CTTNBP2: variants seen among roughly 807,000 people sequenced by gnomAD.
The protein encoded by CTTNBP2 is cortactin-binding protein 2.
A neutral mutation model predicts 156.9 loss-of-function variants in CTTNBP2; 108 were observed. The observed-to-expected ratio is 0.69, with a 90% CI of 0.59 to 0.81. The LOEUF is 0.81. Among genes scored for constraint, CTTNBP2 ranks in the 30% least tolerant of loss-of-function variants. The pLI is 0.00. For synonymous variants in CTTNBP2, 767 were observed against 751.8 expected, an observed-to-expected ratio of 1.02 and a Z score of -0.33; for missense variants, 1,924 against 2,035.4, an observed-to-expected ratio of 0.95 and a Z score of 1.05.
chr7:117,813,083 G>A (rs1374390504), intron 2 of CTTNBP2, among the ~76,000 whole-genome samples: 1 of 152,154 alleles, frequency 6.6e-6, no homozygotes. Flanking sequence ...TACAGGAGAG[G>A]TGAAGGGAGC....
chr7:117,827,288 G>A (rs1034738694), intron 2 of CTTNBP2, among the ~76,000 whole-genome samples: 8 of 152,196 alleles, frequency 5.3e-5, no homozygotes, highest in African/African-American at 1.7e-4. Flanking sequence ...CTGGGAGTGG[G>A]GGCTGGTGCA....
chr7:117,744,078 T>G (rs1057226644), intron 14 of CTTNBP2, among the ~76,000 whole-genome samples: 2 of 152,158 alleles, frequency 1.3e-5, no homozygotes, highest in Non-Finnish European at 2.9e-5. Context: ...TATGAGGTGT[T>G]TTGATACAGG....
At chr7:117,839,647 A>C (rs1298573629) in intron 2 of CTTNBP2, among the ~76,000 whole-genome samples, 9 of 152,212 alleles carry the variant, frequency 5.9e-5, no homozygotes, top group Non-Finnish European at 1.2e-4. Context: ...GGAAGAAGCA[A>C]GGTCAAATCT....
intron 2 of CTTNBP2, among the ~76,000 whole-genome samples, chr7:117,817,003 C>T (rs1472881053): frequency 6.6e-6 from 1 of 151,888 alleles, no homozygotes; most frequent in African/African-American, 2.4e-5. Flanking sequence ...TAAAAACAGA[C>T]TCTTAAAGGA....
intron 2 of CTTNBP2, among the ~76,000 whole-genome samples, chr7:117,818,718 G>C (rs1218942584): frequency 2.6e-5 from 4 of 152,196 alleles, no homozygotes; most frequent in Non-Finnish European, 5.9e-5. Flanking sequence ...TGAAGAGGAA[G>C]AGCAGAAAGA....
Position 117,816,851 on chromosome 7 carries a change from G to T in CTTNBP2, c.190-5862C>A, listed in dbSNP as rs376928842. 5.3e-5 allele frequency among the ~76,000 whole-genome samples: 8 copies of T among 152,184 alleles called. No individual in the cohort carries two copies. In the South Asian group the frequency reaches 1.7e-3, roughly 32 times the overall value. On this transcript the variant is annotated intron_variant, in intron 2 of 22. Transcript: ENST00000160373. ...AAAAATGACTTGAAATGTTTATTAC[G>T]CTGGGTTTGAGGAGGCCTGACCCTA...
rs747316797 is a variant in CTTNBP2, at chr7:117,792,579, G to A, written c.617C>T (p.Thr206Met). The A allele has an allele frequency of 6.8e-6, 11 of 1,613,914 alleles. No homozygotes were observed. The highest frequency in any genetic ancestry group is 1.6e-4 in the Middle Eastern group (1 of 6,084). Residue 206 changes from threonine (T) to methionine (M), a missense_variant, in exon 4 of 23, where the codon ACG becomes ATG. Physicochemically the swap from Thr to Met is moderately conservative, Grantham distance 81 (BLOSUM62 -1). Transcript: ENST00000160373. The surrounding 1 kb of genome is among the most constrained non-coding windows in gnomAD (Gnocchi z 4.2). ...GGAGAGTTCCTCTTCTAATTCATTC[G>A]TCTTTTTCTTTTCCTCTTCCAGTTT... ...MAKLEEEKKK[T>M]NELEEELSAE... is the part of the protein sequence containing the mutation.
At chr7:117,758,546 A>AT (rs1284122452) in intron 10 of CTTNBP2, among the ~76,000 whole-genome samples, 1 of 152,038 alleles carries the variant, frequency 6.6e-6, no homozygotes, top group East Asian at 1.9e-4. Context: ...GGTAATAAGT[A>AT]TTTTTTTTCA....
intron 14 of CTTNBP2, among the ~76,000 whole-genome samples, chr7:117,738,583 G>A (rs750743182): frequency 6.6e-6 from 1 of 152,204 alleles, no homozygotes; most frequent in African/African-American, 2.4e-5. Flanking sequence ...GGGGCAGAGA[G>A]GAAATACTGG....
intron 2 of CTTNBP2, among the ~76,000 whole-genome samples, chr7:117,850,392 T>C (rs1335100173): frequency 6.6e-6 from 1 of 152,218 alleles, no homozygotes; most frequent in Non-Finnish European, 1.5e-5. Flanking sequence ...CTATATTCAT[T>C]GGTACAAAAC....
intron 3 of CTTNBP2, among the ~76,000 whole-genome samples, chr7:117,803,359 T>C (rs1307388266): frequency 1.3e-5 from 2 of 151,832 alleles, no homozygotes; most frequent in African/African-American, 2.4e-5. Flanking sequence ...CATAAAAAGA[T>C]AGGAACAATA....
rs150561365 is a variant in CTTNBP2, at chr7:117,848,645, G to A, written c.189+12564C>T. Among the ~76,000 whole-genome samples, 12 of 152,214 alleles carry A rather than the reference G, an allele frequency of 7.9e-5. No homozygotes were observed. In the East Asian group the frequency reaches 1.4e-3, roughly 17 times the overall value. ...TCAAGCTGCTCCTATTTTATTTTCCGTTTTAATTGATTCAGGAAACTTAGG... is the reference window on the plus strand; with the variant it reads ...TCAAGCTGCTCCTATTTTATTTTCCATTTTAATTGATTCAGGAAACTTAGG... On this transcript the variant is annotated intron_variant, in intron 2 of 22. Coordinates refer to ENST00000160373, the MANE Select transcript of CTTNBP2 (RefSeq NM_033427.3).
chr7:117,823,229 A>G (rs1393207474), intron 2 of CTTNBP2, among the ~76,000 whole-genome samples: 2 of 152,204 alleles, frequency 1.3e-5, no homozygotes, highest in Non-Finnish European at 2.9e-5. Flanking sequence ...AAAATTTGCT[A>G]TGCAACCAGC....
intron 1 of CTTNBP2, among the ~76,000 whole-genome samples, chr7:117,867,142 AT>A (rs963911701): frequency 5.9e-5 from 9 of 152,186 alleles, no homozygotes; most frequent in Non-Finnish European, 1.3e-4. Flanking sequence ...ATCTCAAAGT[AT>A]TTTCAAATCT....
Position 117,784,532 on chromosome 7 carries a change from C to T in CTTNBP2, c.2069-78G>A, listed in dbSNP as rs1798607245. 6 of 995,002 alleles carry T rather than the reference C, an allele frequency of 6.0e-6. No homozygotes were observed. The East Asian group carries it at 7.5e-5, about 12-fold the overall frequency. 61.6% of individuals were successfully genotyped at this position (995,002 alleles called of 1,614,324 possible). A position where few individuals can be genotyped will look rare whatever the true frequency, so the allele number is the denominator to read the frequency against. On this transcript the variant is annotated intron_variant, in intron 4 of 22. Transcript: ENST00000160373. Reference sequence around the variant, plus strand: ...ATATTACCCATTCCTTTCTGAATTACACACACACAAACATATGAACATGTG... The same window carrying T: ...ATATTACCCATTCCTTTCTGAATTATACACACACAAACATATGAACATGTG...
chr7:117,773,245 A>G (rs562757096), intron 8 of CTTNBP2, among the ~76,000 whole-genome samples: 1 of 152,344 alleles, frequency 6.6e-6, no homozygotes, highest in Non-Finnish European at 1.5e-5. Flanking sequence ...ATTCCTAGGA[A>G]GATGGAATCC....
chr7:117,816,794 C>T lies in CTTNBP2; in HGVS notation c.190-5805G>A, dbSNP rs1800603213. ...AATAAAGGCAGATCAACAACATAGA[C>T]ATGTTTTAATAGGTAAGGAGACCAT... is the stretch of plus-strand genomic sequence containing the variant. On this transcript the variant is annotated intron_variant, in intron 2 of 22. Coordinates refer to ENST00000160373, the MANE Select transcript of CTTNBP2 (RefSeq NM_033427.3). 2.0e-5 allele frequency among the ~76,000 whole-genome samples: 3 copies of T among 152,070 alleles called. No individual in the cohort carries two copies. The South Asian group carries it at 6.2e-4, about 32-fold the overall frequency.
intron 2 of CTTNBP2, among the ~76,000 whole-genome samples, chr7:117,820,328 G>T (rs192686379): frequency 1.8e-4 from 28 of 152,304 alleles, no homozygotes; most frequent in Middle Eastern, 3.4e-3. Context: ...CACTATTTCT[G>T]CCCTGGGCAC....
rs1795209628 is a variant in CTTNBP2, at chr7:117,728,234, C to G, written c.3910G>C (p.Val1304Leu). 1 of 1,613,908 alleles carries G rather than the reference C, an allele frequency of 6.2e-7. No individual in the cohort carries two copies. The highest frequency in any genetic ancestry group is 8.5e-7 in the Non-Finnish European group (1 of 1,179,862). ...KGQAPSPCDP[V>L]CKIVDWALSV... ...AGAGCCCAGTCGACAATCTTGCACA[C>G]AGGATCGCAGGGGGAGGGCGCCTGA... is the stretch of plus-strand genomic sequence containing the variant. Residue 1304 changes from valine to leucine, a missense_variant, in exon 17 of 23, where the codon GTG (valine) becomes CTG (leucine). Physicochemically the swap from Val to Leu is conservative, Grantham distance 32. Coordinates refer to ENST00000160373, the MANE Select transcript of CTTNBP2 (RefSeq NM_033427.3).
Sources: allele counts gnomAD v4.1 joint callset (sites outside exome capture counted in the v4.1 genomes callset), GRCh38; gene constraint gnomAD v4.1.1; non-coding constraint Gnocchi (gnomAD v3.1); transcripts MANE v1.5; gene names NCBI Gene and HGNC (gene_info 2026-07-23, HGNC 2026-07-21).